The following CNTLN variants were observed in gnomAD, a reference collection of about 807,000 sequenced individuals.
CNTLN encodes the protein centlein, centrosomal protein.
In CNTLN, 212 loss-of-function variants were observed where a neutral mutation model predicts 180.0. The ratio of observed to expected loss-of-function variants is 1.18; its 90% CI spans 1.05 to 1.32. CNTLN has a LOEUF of 1.32. Among genes scored for constraint, CNTLN ranks in the 40% most tolerant of loss-of-function variants. The pLI is 0.00. For synonymous variants in CNTLN, 722 were observed against 563.1 expected (o/e 1.28, Z -3.99); for missense variants, 2,095 against 1,610.9 (o/e 1.30, Z -5.14).
At chr9:17,357,485 A>G (rs1822942521) in intron 12 of CNTLN, among the ~76,000 whole-genome samples, 1 of 150,476 alleles carries the variant, frequency 6.6e-6, no homozygotes, top group Non-Finnish European at 1.5e-5. Context: ...TATGATATTT[A>G]TTTTTTGAGG....
intron 23 of CNTLN, among the ~76,000 whole-genome samples, chr9:17,469,228 T>C (rs920496096): frequency 3.7e-4 from 56 of 151,940 alleles, no homozygotes; most frequent in African/African-American, 1.3e-3. Flanking sequence ...TTTTTAAGAA[T>C]TGAATTCAAA....
intron 6 of CNTLN, among the ~76,000 whole-genome samples, chr9:17,279,839 C>CG (rs1828555011): frequency 2.1e-5 from 1 of 46,900 alleles, no homozygotes; most frequent in South Asian, 1.7e-3. Context: ...TGGGCTCTGC[C>CG]TTCATGAATG....
chr9:17,261,174 T>C (rs1362198026), intron 5 of CNTLN, among the ~76,000 whole-genome samples: 1 of 151,510 alleles, frequency 6.6e-6, no homozygotes, highest in Non-Finnish European at 1.5e-5. Context: ...TTTGGTTTCA[T>C]ATAAATTTTG....
intron 6 of CNTLN, among the ~76,000 whole-genome samples, chr9:17,294,230 G>A (rs968505422): frequency 2.0e-5 from 3 of 151,984 alleles, no homozygotes; most frequent in Admixed American, 6.5e-5. Context: ...CCACAGTGTG[G>A]AAGGGGACCC....
At chr9:17,259,015 A>G (rs1826734476) in intron 5 of CNTLN, among the ~76,000 whole-genome samples, 1 of 150,166 alleles carries the variant, frequency 6.7e-6, no homozygotes, top group Non-Finnish European at 1.5e-5. Flanking sequence ...ACTATGTTGA[A>G]TAGGAGTGGT....
intron 10 of CNTLN, among the ~76,000 whole-genome samples, chr9:17,335,373 T>G (rs920582478): frequency 1.3e-5 from 2 of 151,962 alleles, no homozygotes; most frequent in African/African-American, 4.8e-5. Context: ...AAAAATTAGC[T>G]GGGTGTGGTG....
rs183413749 is a variant in CNTLN, at chr9:17,291,623, G to A, written c.984-6567G>A. Among the ~76,000 whole-genome samples, 794 of 152,224 alleles carry A rather than the reference G, an allele frequency of 5.2e-3. 5 individuals carry two copies. Among genetic ancestry groups the A allele is most frequent in the Admixed American group, 8.2e-3 (126 of 15,294 alleles). On this transcript the variant is annotated intron_variant, in intron 6 of 25. Coordinates refer to ENST00000380647, the MANE Select transcript of CNTLN (RefSeq NM_017738.4). ...GTCTATTTTGTCAGAAACTAGGATT[G>A]CAGCCCCTGCTTTTTTCTGCTTTCC... is the stretch of plus-strand genomic sequence containing the variant.
chr9:17,298,803 C>G, intron 7 of CNTLN: 1 of 986,060 alleles, frequency 1.0e-6, no homozygotes, highest in Non-Finnish European at 1.2e-6. Context: ...CAATATTTTC[C>G]AGGATTTTTC....
Position 17,502,562 on chromosome 9 carries a change from C to T in CNTLN, c.4131C>T (p.Ala1377=), listed in dbSNP as rs1156974499. The change falls in exon 26 of 26, where the codon GCC becomes GCT. Residue 1377 remains alanine (A), a synonymous_variant. Transcript: ENST00000380647. ...QKLLEGQLPF[A]SYLLEAVLEK... ...TGTTTCTTTTACAGCTTCCTTTTGC[C>T]TCATATTTACTAGAAGCAGTACTGG... 7.2e-7 allele frequency: 1 copy of T among 1,379,822 alleles called. No individual in the cohort carries two copies. Among genetic ancestry groups the T allele is most frequent in the Non-Finnish European group, 9.9e-7 (1 of 1,010,768 alleles). 85.5% of individuals were successfully genotyped at this position (1,379,822 alleles called of 1,614,324 possible). A position where few individuals can be genotyped will look rare whatever the true frequency, so the allele number is the denominator to read the frequency against.
intron 6 of CNTLN, among the ~76,000 whole-genome samples, chr9:17,281,962 AC>A (rs1217817254): frequency 7.3e-6 from 1 of 136,338 alleles, no homozygotes; most frequent in Non-Finnish European, 1.6e-5. Context: ...TTGTTCCTTG[AC>A]TTTTTTTTTG....
chr9:17,236,389 C>A lies in CNTLN; in HGVS notation c.670-20C>A. On this transcript the variant is annotated intron_variant, in intron 4 of 25. Transcript: ENST00000380647. ...TTTCGTTTTGTTTTATTTATTTGCC[C>A]TTGTGGTACTGTTCTACAGGACACT... 6.5e-7 allele frequency: 1 copy of A among 1,541,474 alleles called. No individual in the cohort carries two copies. The highest frequency in any genetic ancestry group is 1.3e-5 in the South Asian group (1 of 78,840).
Position 17,298,194 on chromosome 9 carries a change from G to T in CNTLN, c.988G>T (p.Glu330Ter). 1 of 1,509,690 alleles carries T rather than the reference G, an allele frequency of 6.6e-7. No individual in the cohort carries two copies. The highest frequency in any genetic ancestry group is 1.4e-5 in the South Asian group (1 of 71,440). The allele number at this position is 1,509,690 out of a possible 1,614,324, so 93.5% of individuals were successfully genotyped here. The change falls in exon 7 of 26, where the codon GAA becomes TAA. Residue 330 changes from glutamate (E) to a stop codon, truncating the protein, a stop_gained. Transcript: ENST00000380647. LOFTEE classifies it high-confidence loss of function. The stretch of plus-strand genomic sequence containing the variant: ...TTTATTGCTTGCTTTGCACAGGAAG[G>T]AACTGCAGGAGCTGCAGAATCTTTA... Reference protein sequence around the residue: ...KDMDITLVRKELQELQNLYKQ... With the variant: ...KDMDITLVRK
chr9:17,214,887 A>G (rs184643569), intron 2 of CNTLN, among the ~76,000 whole-genome samples: 2 of 152,296 alleles, frequency 1.3e-5, no homozygotes, highest in East Asian at 1.9e-4. Flanking sequence ...TCCTCGTGCC[A>G]TGGTTTTCAG....
intron 2 of CNTLN, among the ~76,000 whole-genome samples, chr9:17,198,602 A>ATT (rs79833773): frequency 7.5e-6 from 1 of 133,418 alleles, no homozygotes; most frequent in Non-Finnish European, 1.6e-5. Flanking sequence ...TTGTATGTTA[A>ATT]TTTTTTTTTT....
chr9:17,401,573 A>G (rs1587894238), intron 15 of CNTLN, among the ~76,000 whole-genome samples: 1 of 151,030 alleles, frequency 6.6e-6, no homozygotes, highest in Middle Eastern at 3.4e-3. Flanking sequence ...AGATCTTGCT[A>G]CATTGCCTAG....
chr9:17,375,728 CT>C (rs368299504), intron 13 of CNTLN, among the ~76,000 whole-genome samples: 3 of 152,030 alleles, frequency 2.0e-5, no homozygotes, highest in Admixed American at 6.6e-5. Context: ...GAATCAAAAT[CT>C]TAGAGTTAGA....
At chr9:17,481,409 C>T (rs1832639631) in intron 23 of CNTLN, among the ~76,000 whole-genome samples, 1 of 152,230 alleles carries the variant, frequency 6.6e-6, no homozygotes, top group South Asian at 2.1e-4. Flanking sequence ...GGAACCCAGC[C>T]TGTAGCCCCA....
chr9:17,475,600 C>G (rs111466878), intron 23 of CNTLN, among the ~76,000 whole-genome samples: 9 of 151,960 alleles, frequency 5.9e-5, no homozygotes, highest in African/African-American at 2.2e-4. Context: ...GGGCCGGGCA[C>G]AGTGGCTCAC....
At chr9:17,374,358 T>C (rs759710984) in intron 13 of CNTLN, among the ~76,000 whole-genome samples, 1 of 152,172 alleles carries the variant, frequency 6.6e-6, no homozygotes, top group African/African-American at 2.4e-5. Flanking sequence ...AATAGATATA[T>C]GAAAATGCTC....
Sources: allele counts gnomAD v4.1 joint callset (sites outside exome capture counted in the v4.1 genomes callset), GRCh38; gene constraint gnomAD v4.1.1; transcripts MANE v1.5; gene names NCBI Gene and HGNC (gene_info 2026-07-23, HGNC 2026-07-21).